Variants in LOC400499 observed in about 807,000 individuals in gnomAD.
the LOC400499 span, among the ~76,000 whole-genome samples, chr16:11,470,182 G>A: frequency 6.6e-6 from 1 of 152,110 alleles, no homozygotes; most frequent in African/African-American, 2.4e-5. Flanking sequence ...CAAACTGCTG[G>A]GATTACAGTG....
the LOC400499 span, among the ~76,000 whole-genome samples, chr16:11,457,933 G>A: frequency 6.6e-6 from 1 of 152,220 alleles, no homozygotes; most frequent in Non-Finnish European, 1.5e-5. Flanking sequence ...CAGGCACGGT[G>A]GCTCACACCT....
chr16:11,443,544 A>G, the LOC400499 span: 1 of 326,570 alleles, frequency 3.1e-6, no homozygotes, highest in Admixed American at 4.4e-5. Context: ...TAGATGCTCC[A>G]TAAATGCTTG....
chr16:11,496,378 G>T, the LOC400499 span, among the ~76,000 whole-genome samples: 4,782 of 152,246 alleles, frequency 0.031, 165 homozygotes, highest in East Asian at 0.16. Context: ...GCCCAGCTCT[G>T]TTCTTTCTCT....
At chr16:11,380,175 T>C in the LOC400499 span, among the ~76,000 whole-genome samples, 6 of 152,090 alleles carry the variant, frequency 3.9e-5, no homozygotes, top group Middle Eastern at 3.2e-3. Flanking sequence ...TCCAATAAAA[T>C]AATTACAGAG....
the LOC400499 span, chr16:11,487,142 G>A: frequency 5.0e-6 from 2 of 397,286 alleles, no homozygotes; most frequent in East Asian, 3.6e-5. Context: ...TAGATATTAG[G>A]GGAGGAGATT....
the LOC400499 span, chr16:11,383,983 T>C: frequency 8.1e-7 from 1 of 1,231,790 alleles, no homozygotes; most frequent in Non-Finnish European, 1.0e-6. Flanking sequence ...CTGAGGCTTC[T>C]CAGTGGCCCT....
chr16:11,506,852 C>T, the LOC400499 span, among the ~76,000 whole-genome samples: 17 of 152,234 alleles, frequency 1.1e-4, no homozygotes, highest in African/African-American at 4.1e-4. Flanking sequence ...CCCCTGGCAA[C>T]CCAGGCAGGC....
At chr16:11,510,764 C>G in the LOC400499 span, among the ~76,000 whole-genome samples, 1 of 151,590 alleles carries the variant, frequency 6.6e-6, no homozygotes, top group African/African-American at 2.4e-5. Flanking sequence ...TGCCAAGAAT[C>G]TGCAAACCTA....
At chr16:11,419,556 C>A in the LOC400499 span, among the ~76,000 whole-genome samples, 1 of 152,176 alleles carries the variant, frequency 6.6e-6, no homozygotes, top group Non-Finnish European at 1.5e-5. Context: ...GACTTCATGT[C>A]TAGAACACCA....
the LOC400499 span, among the ~76,000 whole-genome samples, chr16:11,399,978 G>A: frequency 1.3e-5 from 2 of 152,122 alleles, no homozygotes; most frequent in East Asian, 3.9e-4. Context: ...CTAGGATGGA[G>A]GGTGGAGAGA....
chr16:11,450,502 G>T, the LOC400499 span: 1 of 1,109,474 alleles, frequency 9.0e-7, no homozygotes, highest in Non-Finnish European at 1.3e-6. Context: ...TCACACACCT[G>T]TGAGCTGCTA....
At chr16:11,483,581 T>C in the LOC400499 span, among the ~76,000 whole-genome samples, 1 of 151,974 alleles carries the variant, frequency 6.6e-6, no homozygotes, top group African/African-American at 2.4e-5. Flanking sequence ...AAAAAGGACA[T>C]GTTGGCAAGC....
chr16:11,515,885 AGCCCAGCCTAGCCCAGCCCAGCCC>A, the LOC400499 span: 1 of 20,248 alleles, frequency 4.9e-5, no homozygotes, highest in East Asian at 5.1e-4. Context: ...AGCCCAGCCC[AGCCCAGCCTAGCCCAGCCCAGCCC>A]AGCCTAGCCC....
the LOC400499 span, among the ~76,000 whole-genome samples, chr16:11,526,746 C>A: frequency 6.6e-6 from 1 of 152,286 alleles, no homozygotes; most frequent in East Asian, 1.9e-4. Context: ...ATGTCTCACT[C>A]TGTCGCCCAA....
At chr16:11,413,206 G>A in the LOC400499 span, among the ~76,000 whole-genome samples, 1 of 152,188 alleles carries the variant, frequency 6.6e-6, no homozygotes, top group South Asian at 2.1e-4. Context: ...GACAGAGAAT[G>A]TGCTCCCGGG....
the LOC400499 span, chr16:11,493,591 G>C: frequency 5.3e-3 from 2,102 of 395,372 alleles, 38 homozygotes; most frequent in African/African-American, 0.039. Context: ...ACTGTGGTTC[G>C]AGACCCACCA....
chr16:11,436,703 T>G, the LOC400499 span, among the ~76,000 whole-genome samples: 1 of 152,038 alleles, frequency 6.6e-6, no homozygotes, highest in Non-Finnish European at 1.5e-5. Context: ...TTCTCCTGCC[T>G]CAGCCTCCCG....
chr16:11,387,125 G>A, the LOC400499 span: 11 of 1,232,198 alleles, frequency 8.9e-6, no homozygotes, highest in South Asian at 4.1e-5. Context: ...CCAGGGGCCC[G>A]CCAGCAGGCG....
the LOC400499 span, chr16:11,457,168 G>A: frequency 3.5e-6 from 3 of 857,444 alleles, no homozygotes; most frequent in Non-Finnish European, 5.2e-6. Flanking sequence ...AACGGGAGTG[G>A]AACGCAGTCC....
Sources: gnomAD v4.1 joint callset for allele counts (sites outside exome capture counted in the v4.1 genomes callset) on GRCh38, gnomAD v4.1.1 for gene constraint, MANE v1.5 for transcripts.